Variants in DUSP29 observed in about 807,000 individuals in gnomAD.
DUSP29 encodes atypical dual-specific protein phosphatase.
DUSP29 carries 12 observed loss-of-function variants against 13.5 expected under a neutral mutation model. That is an observed-to-expected ratio of 0.89 (90% CI 0.57 to 1.44). DUSP29 has a LOEUF of 1.44. DUSP29 is among the 40% of genes most tolerant of loss of function. DUSP29 has a pLI of 0.00. For missense variants in DUSP29, 308 were observed against 301.1 expected, an observed-to-expected ratio of 1.02 and a Z score of -0.17; for synonymous variants, 134 against 128.7, an observed-to-expected ratio of 1.04 and a Z score of -0.28.
intron 2 of DUSP29, among the ~76,000 whole-genome samples, chr10:75,051,516 A>G (rs991355790): frequency 6.6e-6 from 1 of 152,196 alleles, no homozygotes; most frequent in Non-Finnish European, 1.5e-5. Context: ...CAAGGAAAAG[A>G]GTGAGCTTCA....
chr10:75,056,455 G>A (rs1846959789), intron 2 of DUSP29, among the ~76,000 whole-genome samples: 1 of 151,850 alleles, frequency 6.6e-6, no homozygotes, highest in Admixed American at 6.6e-5. Context: ...TTGAACCCAG[G>A]AGGTGGAGGT....
At chr10:75,053,777 A>C (rs1846896119) in intron 2 of DUSP29, among the ~76,000 whole-genome samples, 2 of 151,148 alleles carry the variant, frequency 1.3e-5, no homozygotes, top group Admixed American at 1.3e-4. Context: ...GATTTCTCTG[A>C]GCTTCAGTGT....
intron 3 of DUSP29, 144 bp from the exon 4 acceptor site, chr10:75,038,221 G>T: frequency 9.0e-7 from 1 of 1,115,334 alleles, no homozygotes; most frequent in Non-Finnish European, 1.2e-6. Flanking sequence ...TCTGTAGAAC[G>T]GGGACACTCT....
At chr10:75,046,128 G>C (rs1846702082) in intron 2 of DUSP29, among the ~76,000 whole-genome samples, 1 of 151,776 alleles carries the variant, frequency 6.6e-6, no homozygotes, top group Admixed American at 6.6e-5. Context: ...AAAAAGAAAA[G>C]AAAAAAGAAA....
chr10:75,054,614 G>A (rs752217538), intron 2 of DUSP29, among the ~76,000 whole-genome samples: 2 of 152,174 alleles, frequency 1.3e-5, no homozygotes, highest in Non-Finnish European at 2.9e-5. Flanking sequence ...TATCTTTGAA[G>A]TAATGGCCTT....
intron 2 of DUSP29, among the ~76,000 whole-genome samples, chr10:75,044,552 C>T (rs1013919210): frequency 3.9e-5 from 6 of 152,152 alleles, no homozygotes; most frequent in African/African-American, 1.4e-4. Flanking sequence ...GAAAGTGTTG[C>T]TTTGGGGAGC....
At chr10:75,049,315 ACT>A (rs2134288104) in intron 2 of DUSP29, among the ~76,000 whole-genome samples, 1 of 152,210 alleles carries the variant, frequency 6.6e-6, no homozygotes, top group African/African-American at 2.4e-5. Context: ...ACTCTCCCAA[ACT>A]CTATTCCTCC....
intron 1 of DUSP29, among the ~76,000 whole-genome samples, chr10:75,059,190 T>C (rs747633548): frequency 3.3e-5 from 5 of 152,208 alleles, no homozygotes; most frequent in Non-Finnish European, 5.9e-5. Context: ...TGTGTTAACT[T>C]ACCAAGGGGA....
At chr10:75,042,624 A>G (rs1846610179) in intron 3 of DUSP29, among the ~76,000 whole-genome samples, 2 of 152,262 alleles carry the variant, frequency 1.3e-5, no homozygotes, top group African/African-American at 4.8e-5. Context: ...TCTGAGCCAA[A>G]ATAATGACAA....
intron 2 of DUSP29, among the ~76,000 whole-genome samples, chr10:75,055,388 G>A: frequency 6.6e-6 from 1 of 152,050 alleles, no homozygotes; most frequent in East Asian, 1.9e-4. Context: ...ACAGAAACGT[G>A]CAAATATCAC....
chr10:75,062,599 C>A (rs975499410), intron 1 of DUSP29, among the ~76,000 whole-genome samples: 1 of 152,152 alleles, frequency 6.6e-6, no homozygotes, highest in African/African-American at 2.4e-5. Context: ...GGAAAGAGAA[C>A]AAAGTGTGGA....
rs1042358281 is a variant in DUSP29 at position 75,052,144 on chromosome 10, T to C, written c.200+6171A>G. 2.0e-5 allele frequency among the ~76,000 whole-genome samples: 3 copies of C among 152,294 alleles called. No homozygotes were observed. The South Asian group carries it at 6.2e-4, about 32-fold the overall frequency. ...TCAAGGAGGCAAGCATATTTTATTG[T>C]CTAGCACTCGATTAACTAGAACACG... On this transcript the variant is annotated intron_variant, in intron 2 of 3. Transcript: ENST00000338487.
intron 3 of DUSP29, among the ~76,000 whole-genome samples, chr10:75,040,558 C>T (rs961442186): frequency 9.9e-5 from 15 of 152,174 alleles, no homozygotes; most frequent in African/African-American, 3.6e-4. Context: ...TTTTTCAGAT[C>T]CTATAACCAG....
chr10:75,048,178 C>T (rs888611330), intron 2 of DUSP29, among the ~76,000 whole-genome samples: 76 of 151,974 alleles, frequency 5.0e-4, no homozygotes, highest in Admixed American at 1.1e-3. Flanking sequence ...ACTAAATTAC[C>T]CTACAGAAAA....
chr10:75,063,761 G>A (rs1847138051), intron 1 of DUSP29, among the ~76,000 whole-genome samples: 1 of 151,978 alleles, frequency 6.6e-6, no homozygotes, highest in African/African-American at 2.4e-5. Flanking sequence ...GCTTTTAAAG[G>A]AAACTAAACC....
chr10:75,053,861 ACT>A (rs1267980765), intron 2 of DUSP29, among the ~76,000 whole-genome samples: 26 of 151,140 alleles, frequency 1.7e-4, no homozygotes, highest in Non-Finnish European at 3.8e-4. Context: ...GAATGAATGA[ACT>A]CTCTGAGCTG....
intron 1 of DUSP29, among the ~76,000 whole-genome samples, chr10:75,065,971 T>C (rs1847193572): frequency 6.6e-6 from 1 of 152,136 alleles, no homozygotes; most frequent in Non-Finnish European, 1.5e-5. Context: ...CTTCAAGTGA[T>C]CCTCCCATTT....
At chr10:75,072,660 C>T (rs1368987330) in intron 1 of DUSP29, among the ~76,000 whole-genome samples, 1 of 152,072 alleles carries the variant, frequency 6.6e-6, no homozygotes, top group Admixed American at 6.6e-5. Flanking sequence ...ACATCCAGGG[C>T]CAGGGACCCT....
intron 2 of DUSP29, among the ~76,000 whole-genome samples, chr10:75,054,846 C>CT (rs562938445): frequency 7.5e-4 from 111 of 147,594 alleles, no homozygotes; most frequent in Admixed American, 8.2e-4. Context: ...GCATATGTTA[C>CT]TTTTTTTTTT....
Sources: allele counts gnomAD v4.1 joint callset (sites outside exome capture counted in the v4.1 genomes callset), GRCh38; gene constraint gnomAD v4.1.1; transcripts MANE v1.5; gene names NCBI Gene and HGNC (gene_info 2026-07-23, HGNC 2026-07-21).